The following AXDND1 variants were observed in gnomAD, a reference collection of about 807,000 sequenced individuals.
AXDND1 encodes axonemal dynein light chain domain-containing protein 1.
AXDND1 carries 110 observed loss-of-function variants against 137.5 expected under a neutral mutation model. The ratio of observed to expected loss-of-function variants is 0.80; its 90% CI spans 0.69 to 0.94. The LOEUF (loss-of-function observed/expected upper bound fraction) is 0.94, where lower values mean the gene tolerates loss of function less well. Ranked by LOEUF, AXDND1 falls within the 40% of genes least tolerant of loss-of-function variation. AXDND1 has a pLI of 0.00. For synonymous variants in AXDND1, 414 were observed against 399.7 expected (o/e 1.04, Z -0.43); for missense variants, 1,191 against 1,169.8 (o/e 1.02, Z -0.26).
Position 179,394,047 on chromosome 1 carries a change from A to G in AXDND1, c.1004+4A>G. The G allele has an allele frequency of 6.3e-7, 1 of 1,593,700 alleles. No individual in the cohort carries two copies. The highest frequency in any genetic ancestry group is 1.8e-5 in the Admixed American group (1 of 54,722). On this transcript the variant is annotated splice_donor_region_variant and intron_variant, in intron 10 of 25. Coordinates refer to ENST00000367618, the MANE Select transcript of AXDND1 (RefSeq NM_144696.6). Reference sequence around the variant, plus strand: ...ATGTTATTGAAGAACTGACCAGGTAAAAACTGTGATTATCTTAAACACAAA... The same window carrying G: ...ATGTTATTGAAGAACTGACCAGGTAGAAACTGTGATTATCTTAAACACAAA...
At position 179,366,562 on chromosome 1, in the gene AXDND1, A is replaced by G. The variant is rs1403615720; in HGVS notation, c.53A>G (p.Glu18Gly). ...CCGCTAAACTCTACATCAACATCTG[A>G]GAGCAAAAAGTTAAAAGTGTCTGTA... is the stretch of plus-strand genomic sequence containing the variant. ...STPLNSTSTSESKKLKVSVAK... is the reference protein window; with the variant it reads ...STPLNSTSTSGSKKLKVSVAK... The change falls in exon 2 of 26, where the codon GAG (glutamate) becomes GGG (glycine). Residue 18 changes from glutamate to glycine, a missense_variant. Coordinates refer to ENST00000367618, the MANE Select transcript of AXDND1 (RefSeq NM_144696.6). 6.2e-7 allele frequency: 1 copy of G among 1,613,874 alleles called. No individual in the cohort carries two copies. The highest frequency in any genetic ancestry group is 1.3e-5 in the African/African-American group (1 of 75,036).
intron 20 of AXDND1, among the ~76,000 whole-genome samples, chr1:179,501,129 G>GTC (rs953858294): frequency 1.3e-5 from 2 of 152,090 alleles, no homozygotes; most frequent in Non-Finnish European, 2.9e-5. Context: ...TAATCTAGGT[G>GTC]TCACAATCAA....
rs144239242 is a variant in AXDND1 at position 179,448,316 on chromosome 1, GCA to G, written c.1798+3115_1798+3116del. On this transcript the variant is annotated intron_variant, in intron 16 of 25. Transcript: ENST00000367618. ...AGAGTTTGTTAGAGCTGTTGAAAAT[GCA>G]CAGTCATAGAGCACACTAAGTTCAT... The G allele has an allele frequency of 1.3e-3, 986 of 754,244 alleles. 9 individuals carry two copies. In the African/African-American group the frequency reaches 0.015, roughly 12 times the overall value. 46.7% of individuals were successfully genotyped at this position (754,244 alleles called of 1,614,324 possible).
chr1:179,430,746 T>C, intron 14 of AXDND1, 140 bp downstream of exon 14: 1 of 850,774 alleles, frequency 1.2e-6, no homozygotes, highest in South Asian at 1.9e-5. Context: ...GAAGGCACAA[T>C]CCTGCTAACA....
chr1:179,469,509 A>G (rs7551998), intron 17 of AXDND1, among the ~76,000 whole-genome samples: 9,566 of 152,170 alleles, frequency 0.063, 360 homozygotes, highest in African/African-American at 0.071. Context: ...ATTTGTTTTC[A>G]TTTCTCTTTG....
At chr1:179,518,203 T>G (rs760049457) in intron 21 of AXDND1, among the ~76,000 whole-genome samples, 17 of 152,190 alleles carry the variant, frequency 1.1e-4, no homozygotes, top group Non-Finnish European at 1.8e-4. Flanking sequence ...TTCAGTCTTT[T>G]CTGGTTAATA....
chr1:179,498,917 A>G (rs556452214), intron 20 of AXDND1, among the ~76,000 whole-genome samples: 1 of 59,408 alleles, frequency 1.7e-5, no homozygotes, highest in East Asian at 5.3e-4. Context: ...TAAAAAGTCA[A>G]AAAAAAACAA....
At position 179,415,756 on chromosome 1, in the gene AXDND1, G is replaced by C. The variant is rs184461167; in HGVS notation, c.1230+4490G>C. ...GTCTCACTCTGTTGCCCAGGCTGGA[G>C]TGCAGTGGCGCGATCTCTGCTCGCT... is the stretch of plus-strand genomic sequence containing the variant. On this transcript the variant is annotated intron_variant, in intron 12 of 25. Coordinates refer to ENST00000367618, the MANE Select transcript of AXDND1 (RefSeq NM_144696.6). 8.8e-4 allele frequency among the ~76,000 whole-genome samples: 133 copies of C among 151,790 alleles called. 1 individual carries two copies. Among genetic ancestry groups the C allele is most frequent in the African/African-American group, 2.9e-3 (120 of 41,386 alleles).
At chr1:179,520,856 G>A (rs987820056) in intron 21 of AXDND1, among the ~76,000 whole-genome samples, 24 of 146,876 alleles carry the variant, frequency 1.6e-4, no homozygotes, top group Admixed American at 1.4e-3. Flanking sequence ...ACTAGTAACT[G>A]TATATATATA....
intron 20 of AXDND1, among the ~76,000 whole-genome samples, chr1:179,506,406 G>A (rs1198599758): frequency 1.3e-5 from 2 of 152,142 alleles, no homozygotes; most frequent in Non-Finnish European, 2.9e-5. Flanking sequence ...TCTAGCTGGC[G>A]CTCTTCAAAC....
At chr1:179,415,740 T>C (rs1375147198) in intron 12 of AXDND1, among the ~76,000 whole-genome samples, 2 of 152,026 alleles carry the variant, frequency 1.3e-5, no homozygotes, top group African/African-American at 4.8e-5. Context: ...AGTCTCACTC[T>C]GTTGCCCAGG....
chr1:179,370,201 A>G, intron 4 of AXDND1, 123 bp downstream of exon 4: 1 of 733,022 alleles, frequency 1.4e-6, no homozygotes, highest in Non-Finnish European at 2.3e-6. Context: ...AATTTACAGT[A>G]TCTTTGAATC....
intron 25 of AXDND1, among the ~76,000 whole-genome samples, chr1:179,542,375 C>A (rs1037369618): frequency 8.5e-5 from 13 of 152,158 alleles, no homozygotes; most frequent in African/African-American, 2.9e-4. Flanking sequence ...AGTTAGCCAA[C>A]TGCTCGCAGC....
At chr1:179,407,601 A>C (rs1423183724) in intron 11 of AXDND1, among the ~76,000 whole-genome samples, 1 of 152,056 alleles carries the variant, frequency 6.6e-6, no homozygotes, top group Non-Finnish European at 1.5e-5. Flanking sequence ...GAAACCCATT[A>C]GTCTAATGTG....
chr1:179,503,979 A>G (rs948477402), intron 20 of AXDND1, among the ~76,000 whole-genome samples: 8 of 152,202 alleles, frequency 5.3e-5, no homozygotes, highest in African/African-American at 1.9e-4. Context: ...AGTATAGAGA[A>G]AATAAATCTT....
intron 25 of AXDND1, among the ~76,000 whole-genome samples, chr1:179,536,084 G>A (rs2125712535): frequency 6.6e-6 from 1 of 152,262 alleles, no homozygotes; most frequent in African/African-American, 2.4e-5. Context: ...CTTTTTTCTT[G>A]TAAATTTGTT....
chr1:179,551,532 C>T, intron 25 of AXDND1: 3 of 1,529,714 alleles, frequency 2.0e-6, no homozygotes, highest in Non-Finnish European at 2.7e-6. Flanking sequence ...ACTCAGCAGA[C>T]AAGCACTGAG....
In AXDND1 at chr1:179,534,570, G is replaced by A. The variant is rs1426393539; in HGVS notation, c.2799-160G>A. On this transcript the variant is annotated intron_variant, in intron 24 of 25. Coordinates refer to ENST00000367618, the MANE Select transcript of AXDND1 (RefSeq NM_144696.6). ...ACATTAGCATTCAGAGTCGCTCCTG[G>A]GCCCCCAGTTCTCAGTTAATCATTG... 3.6e-6 allele frequency: 3 copies of A among 829,482 alleles called. No individual in the cohort carries two copies. In the African/African-American group the frequency reaches 5.3e-5, roughly 15 times the overall value. 51.4% of individuals were successfully genotyped at this position (829,482 alleles called of 1,614,324 possible).
In AXDND1 at chr1:179,456,294, A is replaced by G. The variant is rs897847711; in HGVS notation, c.1798+11090A>G. 1.5e-5 allele frequency: 11 copies of G among 743,790 alleles called. No homozygotes were observed. The Admixed American group carries it at 1.9e-4, about 13-fold the overall frequency. 46.1% of individuals were successfully genotyped at this position (743,790 alleles called of 1,614,324 possible). On this transcript the variant is annotated intron_variant, in intron 16 of 25. Transcript: ENST00000367618. ...ATAGCCACCTTGGTTTTGTGGTTTG[A>G]CGAAGTATTGGCCTCCACCACCACA... is the stretch of plus-strand genomic sequence containing the variant.
Sources: allele counts gnomAD v4.1 joint callset (sites outside exome capture counted in the v4.1 genomes callset), GRCh38; gene constraint gnomAD v4.1.1; transcripts MANE v1.5; gene names NCBI Gene and HGNC (gene_info 2026-07-23, HGNC 2026-07-21).